OGT: variants seen among roughly 807,000 people sequenced by gnomAD.
OGT encodes the protein UDP-N-acetylglucosamine--peptide N-acetylglucosaminyltransferase 110 kDa subunit.
In OGT, 3 loss-of-function variants were observed where a neutral mutation model predicts 75.8. The observed-to-expected ratio is 0.04, with a 90% CI of 0.02 to 0.10. The LOEUF (loss-of-function observed/expected upper bound fraction) is 0.10. Ranked by LOEUF, OGT falls within the 10% of genes least tolerant of loss-of-function variation. The probability of loss-of-function intolerance (pLI) is 1.00; values close to 1 mark genes in which losing one functional copy is unlikely to be tolerated. For missense variants in OGT, 260 were observed against 824.4 expected, an observed-to-expected ratio of 0.32 and a Z score of 8.38; for synonymous variants, 257 against 289.7, an observed-to-expected ratio of 0.89 and a Z score of 1.15.
rs761388758 is a variant in OGT, at chrX:71,557,325, C to G, written c.1422+29C>G. 8 of 1,126,291 alleles carry G rather than the reference C, an allele frequency of 7.1e-6. No individual in the cohort carries two copies. The Admixed American group carries it at 1.9e-4, about 26-fold the overall frequency. The allele number at this position is 1,126,291 out of a possible 1,213,427, so 92.8% of individuals were successfully genotyped here. On this transcript the variant is annotated intron_variant, in intron 11 of 21. Coordinates refer to ENST00000373719, the MANE Select transcript of OGT (RefSeq NM_181672.3). ...AAGAATAACAGGCCAGTAATTGGCTCTCAGTGTTGTAATAGCTTTTTAATT... is the reference window on the plus strand; with the variant it reads ...AAGAATAACAGGCCAGTAATTGGCTGTCAGTGTTGTAATAGCTTTTTAATT...
intron 3 of OGT, among the ~76,000 whole-genome samples, chrX:71,540,076 C>T (rs756075336): frequency 8.9e-6 from 1 of 112,517 alleles, no homozygotes; most frequent in African/African-American, 3.2e-5. Flanking sequence ...CTCTTGAATG[C>T]ATTGAATGGC....
chrX:71,537,792 T>C, intron 2 of OGT, 37 bp from the exon 3 acceptor site: 1 of 1,206,685 alleles, frequency 8.3e-7, no homozygotes, highest in South Asian at 1.8e-5. Context: ...TTCTGTAACG[T>C]GCATACCCAT....
rs779221592 is a variant in OGT at position 71,566,115 on chromosome X, C to T, written c.2589+1362C>T. Among the ~76,000 whole-genome samples the T allele has an allele frequency of 1.8e-4, 20 of 111,436 alleles. No individual in the cohort carries two copies. In the South Asian group the frequency reaches 6.5e-3, roughly 36 times the overall value. On this transcript the variant is annotated intron_variant, in intron 19 of 21. Transcript: ENST00000373719. ...ATAATTCCTTGGTTAATTTTTTCCC[C>T]GATATCTGTTTTGTTTTATGTTTAG...
At chrX:71,540,274 C>G in intron 3 of OGT, among the ~76,000 whole-genome samples, 1 of 112,535 alleles carries the variant, frequency 8.9e-6, no homozygotes, top group Non-Finnish European at 1.9e-5. Flanking sequence ...TTTAAACTTA[C>G]TGTCAAATGC....
rs192473081 is a variant in OGT, at chrX:71,566,316, G to A, written c.2590-1184G>A. 1.3e-4 allele frequency among the ~76,000 whole-genome samples: 14 copies of A among 111,947 alleles called. No homozygotes were observed. The East Asian group carries it at 1.9e-3, about 16-fold the overall frequency. On this transcript the variant is annotated intron_variant, in intron 19 of 21. Coordinates refer to ENST00000373719, the MANE Select transcript of OGT (RefSeq NM_181672.3). ...CTAACATTAGGGTATATATTAGTCC[G>A]TTTTCATGCTGCTATAAAGGACTGC...
intron 5 of OGT, among the ~76,000 whole-genome samples, chrX:71,549,820 C>T (rs926444605): frequency 5.4e-5 from 6 of 111,324 alleles, no homozygotes; most frequent in African/African-American, 2.0e-4. Flanking sequence ...AGAAGCAGGG[C>T]TTCTTGGTGA....
intron 21 of OGT, 23 bp downstream of exon 21, chrX:71,568,139 A>G: frequency 8.7e-7 from 1 of 1,155,105 alleles, no homozygotes; most frequent in Admixed American, 2.6e-5. Context: ...TTCCTTGAAC[A>G]AATTATTTGG....
At position 71,574,936 on chromosome X, in the gene OGT, C is replaced by G. The variant is rs909811068; in HGVS notation, c.*1142C>G. On this transcript the variant is annotated 3_prime_UTR_variant, in exon 22 of 22. Transcript: ENST00000373719. ...ATCTCTGAAGGATCATCTATGTATTCAAGTAATTATTTTTTAGATAATAAC... is the reference window on the plus strand; with the variant it reads ...ATCTCTGAAGGATCATCTATGTATTGAAGTAATTATTTTTTAGATAATAAC... 9.0e-6 allele frequency: 1 copy of G among 111,165 alleles called. No individual in the cohort carries two copies. Among genetic ancestry groups the G allele is most frequent in the African/African-American group, 3.3e-5 (1 of 30,524 alleles). The allele number at this position is 111,165 out of a possible 1,213,427, so 9.2% of individuals were successfully genotyped here.
intron 21 of OGT, among the ~76,000 whole-genome samples, chrX:71,571,916 C>T (rs1052797659): frequency 9.1e-6 from 1 of 109,509 alleles, no homozygotes; most frequent in Non-Finnish European, 1.9e-5. Context: ...ACTACAGGCA[C>T]GTACCACCAC....
At chrX:71,570,393 G>C (rs748208529) in intron 21 of OGT, among the ~76,000 whole-genome samples, 13 of 111,378 alleles carry the variant, frequency 1.2e-4, no homozygotes, top group Non-Finnish European at 2.4e-4. Flanking sequence ...TTTTTTCTTT[G>C]TGTTTTTCTG....
At position 71,574,627 on chromosome X, in the gene OGT, T is replaced by A. The variant is rs1175944439; in HGVS notation, c.*833T>A. On this transcript the variant is annotated 3_prime_UTR_variant, in exon 22 of 22. Transcript: ENST00000373719. Reference sequence around the variant, plus strand: ...GGCACAGTTGTGGTACTGTCATTGATAATAATATAGTTTTTTTTTTTTTCC... The same window carrying A: ...GGCACAGTTGTGGTACTGTCATTGAAAATAATATAGTTTTTTTTTTTTTCC... 2.7e-5 allele frequency: 3 copies of A among 110,407 alleles called. No homozygotes were observed. The highest frequency in any genetic ancestry group is 9.9e-5 in the African/African-American group (3 of 30,299). 9.1% of individuals were successfully genotyped at this position (110,407 alleles called of 1,213,427 possible).
intron 4 of OGT, chrX:71,547,533 C>T (rs993823861): frequency 2.5e-6 from 2 of 791,397 alleles, no homozygotes; most frequent in Non-Finnish European, 3.0e-6. Context: ...AAGTTGCGCC[C>T]TCTAGGTAGC....
At chrX:71,569,976 C>G (rs965903693) in intron 21 of OGT, among the ~76,000 whole-genome samples, 1 of 104,508 alleles carries the variant, frequency 9.6e-6, no homozygotes, top group Admixed American at 1.0e-4. Context: ...CCTCGTGATC[C>G]ACCCACCTTG....
At position 71,543,766 on chromosome X, in the gene OGT, GTATATATATATA is replaced by G. The variant is rs397895363; in HGVS notation, c.463-785_463-774del. Among the ~76,000 whole-genome samples the G allele has an allele frequency of 9.2e-4, 72 of 78,277 alleles. 1 individual carries two copies. The highest frequency in any genetic ancestry group is 7.1e-3 in the South Asian group (10 of 1,417). The allele number at this position is 78,277 out of a possible 115,157, so 68.0% of individuals were successfully genotyped here. A position where few individuals can be genotyped will look rare whatever the true frequency, so the allele number is the denominator to read the frequency against. On this transcript the variant is annotated intron_variant, in intron 3 of 21. Coordinates refer to ENST00000373719, the MANE Select transcript of OGT (RefSeq NM_181672.3). ...TGTGTGTGTGTGTGTGTGTGTGTGT[GTATATATATATA>G]TATATATATATATATTTCCTTTTTT...
rs967884628 is a variant in OGT at position 71,557,800 on chromosome X, T to G, written c.1602+128T>G. On this transcript the variant is annotated intron_variant, in intron 12 of 21. Transcript: ENST00000373719. ...ACCACCCAAGTCGAGAAATAAAACT[T>G]TTGTGGGCCACTTCAGAACCCCTTC... is the stretch of plus-strand genomic sequence containing the variant. 2.0e-5 allele frequency: 11 copies of G among 550,260 alleles called. No homozygotes were observed. In the African/African-American group the frequency reaches 2.4e-4, roughly 12 times the overall value. The allele number at this position is 550,260 out of a possible 1,213,427, so 45.3% of individuals were successfully genotyped here.
At chrX:71,544,091 T>C (rs1188789997) in intron 3 of OGT, among the ~76,000 whole-genome samples, 2 of 110,516 alleles carry the variant, frequency 1.8e-5, no homozygotes, top group Admixed American at 9.8e-5. Context: ...CGGCCTGATA[T>C]ATATATTTTT....
intron 5 of OGT, among the ~76,000 whole-genome samples, chrX:71,548,527 C>G (rs2040278169): frequency 8.9e-6 from 1 of 112,039 alleles, no homozygotes; most frequent in Non-Finnish European, 1.9e-5. Context: ...AACCTAGATG[C>G]CCATCAACGG....
At position 71,556,970 on chromosome X, in the gene OGT, T is replaced by G. The variant is rs767224344; in HGVS notation, c.1185T>G (p.Ala395=). Residue 395 remains alanine, a synonymous_variant, in exon 10 of 22, where the codon GCT becomes GCG. Coordinates refer to ENST00000373719, the MANE Select transcript of OGT (RefSeq NM_181672.3). ...CTTTTAGAATCAGTCCTACCTTTGCTGATGCCTACTCTAATATGGGAAACA... is the reference window on the plus strand; with the variant it reads ...CTTTTAGAATCAGTCCTACCTTTGCGGATGCCTACTCTAATATGGGAAACA... ...KEAIRISPTF[A]DAYSNMGNTL... 3 of 1,210,497 alleles carry G rather than the reference T, an allele frequency of 2.5e-6. No homozygotes were observed. Among genetic ancestry groups the G allele is most frequent in the Non-Finnish European group, 3.4e-6 (3 of 894,421 alleles).
intron 18 of OGT, among the ~76,000 whole-genome samples, chrX:71,563,843 C>G (rs1216649764): frequency 8.9e-6 from 1 of 112,046 alleles, no homozygotes; most frequent in Non-Finnish European, 1.9e-5. Flanking sequence ...ACGTTCAGTT[C>G]AGACAGCTCT....
Sources: gnomAD v4.1 joint callset for allele counts (sites outside exome capture counted in the v4.1 genomes callset) on GRCh38, gnomAD v4.1.1 for gene constraint, MANE v1.5 for transcripts, NCBI Gene and HGNC (gene_info 2026-07-23, HGNC 2026-07-21) for gene names.